PDGFRL: variants seen among roughly 807,000 people sequenced by gnomAD.
The protein encoded by PDGFRL is platelet-derived growth factor receptor-like protein.
In PDGFRL, 46 loss-of-function variants were observed where a neutral mutation model predicts 37.2. The ratio of observed to expected loss-of-function variants is 1.24; its 90% CI spans 0.98 to 1.58. The LOEUF (loss-of-function observed/expected upper bound fraction) is 1.58, where lower values mean the gene tolerates loss of function less well. PDGFRL is among the 40% of genes most tolerant of loss of function. The pLI is 0.00. For synonymous variants in PDGFRL, 251 were observed against 184.3 expected (o/e 1.36, Z -2.93); for missense variants, 692 against 467.6 (o/e 1.48, Z -4.43).
chr8:17,635,037 G>A (rs1190856453), intron 5 of PDGFRL, among the ~76,000 whole-genome samples: 2 of 152,038 alleles, frequency 1.3e-5, no homozygotes, highest in Non-Finnish European at 2.9e-5. Flanking sequence ...CTTTCCTCCT[G>A]CCCCCACCTC....
intron 1 of PDGFRL, among the ~76,000 whole-genome samples, chr8:17,587,016 A>G (rs1423336471): frequency 6.6e-6 from 1 of 152,200 alleles, no homozygotes. Context: ...AAAATAACCA[A>G]TTGACATAGT....
intron 2 of PDGFRL, among the ~76,000 whole-genome samples, chr8:17,607,748 T>C (rs922116494): frequency 6.6e-6 from 1 of 152,200 alleles, no homozygotes; most frequent in Non-Finnish European, 1.5e-5. Context: ...AGTAGCATGA[T>C]TTTTGGCCAA....
Position 17,589,458 on chromosome 8 carries a change from C to G in PDGFRL, c.56-10C>G. On this transcript the variant is annotated splice_polypyrimidine_tract_variant and intron_variant, in intron 1 of 5. Transcript: ENST00000251630. Reference sequence around the variant, plus strand: ...ACTACAGCGCATTTCTCTCTCCTTACGTTTTGCAGTTACTGGCCAACACCT... The same window carrying G: ...ACTACAGCGCATTTCTCTCTCCTTAGGTTTTGCAGTTACTGGCCAACACCT... 4.4e-6 allele frequency: 7 copies of G among 1,603,476 alleles called. No homozygotes were observed. The highest frequency in any genetic ancestry group is 1.3e-5 in the African/African-American group (1 of 74,558).
chr8:17,595,741 T>C (rs1459172572), intron 2 of PDGFRL, among the ~76,000 whole-genome samples: 1 of 152,108 alleles, frequency 6.6e-6, no homozygotes, highest in African/African-American at 2.4e-5. Context: ...GTACCCCAGG[T>C]AGAGCTAAGG....
intron 2 of PDGFRL, among the ~76,000 whole-genome samples, chr8:17,594,759 T>C (rs1417687404): frequency 6.6e-6 from 1 of 152,106 alleles, no homozygotes; most frequent in Non-Finnish European, 1.5e-5. Flanking sequence ...TTCACCGTGG[T>C]CTCGATCTCC....
intron 2 of PDGFRL, among the ~76,000 whole-genome samples, chr8:17,609,488 A>G (rs1237640437): frequency 6.6e-6 from 1 of 150,980 alleles, no homozygotes; most frequent in Non-Finnish European, 1.5e-5. Flanking sequence ...AAAAAAAAAA[A>G]TTACCTGGGT....
At chr8:17,621,477 T>C (rs1804633445) in intron 3 of PDGFRL, among the ~76,000 whole-genome samples, 1 of 151,552 alleles carries the variant, frequency 6.6e-6, no homozygotes, top group Non-Finnish European at 1.5e-5. Flanking sequence ...ACACAGAAAG[T>C]AAGTGGTGGT....
At chr8:17,596,319 A>G (rs1016684730) in intron 2 of PDGFRL, 16 of 1,229,832 alleles carry the variant, frequency 1.3e-5, no homozygotes, top group Admixed American at 1.1e-4. Flanking sequence ...TCACAGGCAC[A>G]TGGGCTGCAC....
chr8:17,596,958 A>G (rs1244033003), intron 2 of PDGFRL, among the ~76,000 whole-genome samples: 1 of 152,200 alleles, frequency 6.6e-6, no homozygotes, highest in Non-Finnish European at 1.5e-5. Context: ...TTCCAGGGCT[A>G]TGACAGTGTT....
In PDGFRL at chr8:17,634,012, G is replaced by T. The variant is rs73571132; in HGVS notation, c.800-62G>T. ...TCTCTCCATGGAAAAGAATGCATCT[G>T]TAGGTTTGTTTTCAAGGTTACACTC... On this transcript the variant is annotated intron_variant, in intron 4 of 5. Transcript: ENST00000251630. 6.8e-4 allele frequency: 1,036 copies of T among 1,518,684 alleles called. 8 individuals carry two copies. The African/African-American group carries it at 0.013, about 18-fold the overall frequency. The allele number at this position is 1,518,684 out of a possible 1,614,324, so 94.1% of individuals were successfully genotyped here.
rs571620525 is a variant in PDGFRL, at chr8:17,643,026, C to G, written c.*225C>G. The G allele has an allele frequency of 9.6e-5, 45 of 466,890 alleles. No homozygotes were observed. The highest frequency in any genetic ancestry group is 8.9e-4 in the African/African-American group (45 of 50,292). 28.9% of individuals were successfully genotyped at this position (466,890 alleles called of 1,614,324 possible). ...AGAAAGCATGATTTTGATTGCTTACCTACATACGTGTTCCTAGTTTTTATA... is the reference window on the plus strand; with the variant it reads ...AGAAAGCATGATTTTGATTGCTTACGTACATACGTGTTCCTAGTTTTTATA... On this transcript the variant is annotated 3_prime_UTR_variant, in exon 6 of 6. Coordinates refer to ENST00000251630, the MANE Select transcript of PDGFRL (RefSeq NM_001372073.1).
At chr8:17,615,571 C>T (rs920309315) in intron 2 of PDGFRL, among the ~76,000 whole-genome samples, 3 of 152,098 alleles carry the variant, frequency 2.0e-5, no homozygotes, top group Non-Finnish European at 4.4e-5. Context: ...ATAGTACCTC[C>T]AACTTAATGT....
chr8:17,621,553 A>C (rs1417154879), intron 3 of PDGFRL, among the ~76,000 whole-genome samples: 1 of 152,186 alleles, frequency 6.6e-6, no homozygotes, highest in Non-Finnish European at 1.5e-5. Context: ...TACGGTGACC[A>C]CTAAACATGT....
intron 2 of PDGFRL, among the ~76,000 whole-genome samples, chr8:17,601,647 G>A (rs958492704): frequency 2.6e-5 from 4 of 152,078 alleles, no homozygotes; most frequent in African/African-American, 9.7e-5. Context: ...GGGCCCCTGT[G>A]TCTATAATTC....
chr8:17,616,485 C>T (rs1018767161), intron 2 of PDGFRL, among the ~76,000 whole-genome samples: 2 of 152,186 alleles, frequency 1.3e-5, no homozygotes, highest in African/African-American at 2.4e-5. Flanking sequence ...GAACCACTTG[C>T]GCCTGGCCCA....
chr8:17,599,689 C>CT (rs1486954871), intron 2 of PDGFRL, among the ~76,000 whole-genome samples: 1 of 152,206 alleles, frequency 6.6e-6, no homozygotes, highest in Non-Finnish European at 1.5e-5. Context: ...AGAAAGGTCA[C>CT]TTTTTCTCTC....
intron 5 of PDGFRL, among the ~76,000 whole-genome samples, chr8:17,639,286 C>T (rs913226763): frequency 3.3e-5 from 5 of 152,046 alleles, no homozygotes; most frequent in Non-Finnish European, 7.4e-5. Flanking sequence ...ATGTGAGGTA[C>T]TATTCTATTC....
rs1002671706 is a variant in PDGFRL at position 17,642,698 on chromosome 8, T to C, written c.1025T>C (p.Ile342Thr). The change falls in exon 6 of 6, where the codon ATT (isoleucine) becomes ACT (threonine). Residue 342 changes from isoleucine to threonine, a missense_variant. Transcript: ENST00000251630. ...GHTTRISQSV[I>T]TVEDFETIDA... ...ACCACGAGAATCTCCCAGAGTGTCA[T>C]TACAGTGGAAGACTTTGAGACGATT... 1.2e-6 allele frequency: 2 copies of C among 1,603,484 alleles called. No individual in the cohort carries two copies. Among genetic ancestry groups the C allele is most frequent in the Non-Finnish European group, 1.7e-6 (2 of 1,170,366 alleles).
In PDGFRL at chr8:17,589,490, G is replaced by C; in HGVS notation, c.78G>C (p.Lys26Asn). The change falls in exon 2 of 6, where the codon AAG (lysine) becomes AAC (asparagine). Residue 26 changes from lysine to asparagine, a missense_variant. Coordinates refer to ENST00000251630, the MANE Select transcript of PDGFRL (RefSeq NM_001372073.1). ...LEDVTGQHLP[K>N]NKRPKEPGEN... ...CAGTTACTGGCCAACACCTTCCCAA[G>C]AACAAGCGTCCAAAAGAACCAGGAG... The C allele has an allele frequency of 3.1e-6, 5 of 1,613,420 alleles. No individual in the cohort carries two copies. Among genetic ancestry groups the C allele is most frequent in the Non-Finnish European group, 3.4e-6 (4 of 1,179,716 alleles).
Sources: gnomAD v4.1 joint callset for allele counts (sites outside exome capture counted in the v4.1 genomes callset) on GRCh38, gnomAD v4.1.1 for gene constraint, MANE v1.5 for transcripts, NCBI Gene and HGNC (gene_info 2026-07-23, HGNC 2026-07-21) for gene names.